The following GPR158 variants were observed in gnomAD, a reference collection of about 807,000 sequenced individuals.
The protein encoded by GPR158 is G protein-coupled receptor 158.
Under a neutral mutation model 78.2 loss-of-function variants are expected in GPR158, and 30 were observed. The observed-to-expected ratio is 0.38, with a 90% CI of 0.29 to 0.52. The LOEUF (loss-of-function observed/expected upper bound fraction) is 0.52. GPR158 is among the 20% of genes least tolerant of loss of function. The probability of loss-of-function intolerance (pLI) is 0.83; values close to 1 mark genes in which losing one functional copy is unlikely to be tolerated. For synonymous variants in GPR158, 581 were observed against 591.1 expected, an observed-to-expected ratio of 0.98 and a Z score of 0.25; for missense variants, 1,463 against 1,523.5, an observed-to-expected ratio of 0.96 and a Z score of 0.66.
chr10:25,541,274 G>T (rs1301496582), intron 5 of GPR158, among the ~76,000 whole-genome samples: 1 of 151,872 alleles, frequency 6.6e-6, no homozygotes, highest in Admixed American at 6.6e-5. Context: ...TTGCTTATTT[G>T]TTCTTATGGA....
intron 4 of GPR158, among the ~76,000 whole-genome samples, chr10:25,460,605 A>C (rs150849897): frequency 6.6e-6 from 1 of 152,234 alleles, no homozygotes; most frequent in Admixed American, 6.5e-5. Context: ...AGATATTAAC[A>C]TATTTCCAGA....
intron 1 of GPR158, among the ~76,000 whole-genome samples, chr10:25,192,074 A>G (rs951873348): frequency 3.3e-5 from 5 of 152,074 alleles, no homozygotes; most frequent in Admixed American, 2.6e-4. Flanking sequence ...TTGAATTGTA[A>G]TCTCCATAAT....
In GPR158 at chr10:25,365,609, G is replaced by C. The variant is rs895559281; in HGVS notation, c.1009-30302G>C. ...CATTACATAGATCCTATATCTATCA[G>C]GAAGAATGGAGTAGACAAAATATTC... On this transcript the variant is annotated intron_variant, in intron 2 of 10. Transcript: ENST00000376351. 3.3e-5 allele frequency among the ~76,000 whole-genome samples: 5 copies of C among 151,568 alleles called. No individual in the cohort carries two copies. The Admixed American group carries it at 3.3e-4, about 10-fold the overall frequency.
chr10:25,389,378 T>A (rs1297877176), intron 2 of GPR158, among the ~76,000 whole-genome samples: 1 of 152,044 alleles, frequency 6.6e-6, no homozygotes, highest in Non-Finnish European at 1.5e-5. Flanking sequence ...CAGAAAGAAA[T>A]TAACCTCTCT....
chr10:25,217,574 G>C (rs957254015), intron 1 of GPR158, among the ~76,000 whole-genome samples: 2 of 152,176 alleles, frequency 1.3e-5, no homozygotes, highest in African/African-American at 4.8e-5. Context: ...TATTAAATTT[G>C]TTTAACCCGT....
At chr10:25,345,805 A>G (rs1855364069) in intron 2 of GPR158, among the ~76,000 whole-genome samples, 1 of 151,954 alleles carries the variant, frequency 6.6e-6, no homozygotes, top group Non-Finnish European at 1.5e-5. Context: ...AATAACTGAT[A>G]TAACTGATCC....
intron 4 of GPR158, among the ~76,000 whole-genome samples, chr10:25,443,277 G>T (rs990477257): frequency 6.6e-6 from 1 of 152,080 alleles, no homozygotes; most frequent in Non-Finnish European, 1.5e-5. Context: ...TTGTGAGGCT[G>T]GTTGTAGTGG....
intron 4 of GPR158, among the ~76,000 whole-genome samples, chr10:25,437,262 C>G (rs7097708): frequency 0.7 from 106,121 of 151,716 alleles, 38,108 homozygotes; most frequent in Non-Finnish European, 0.8. Flanking sequence ...GTCTTGCTCT[C>G]TTGCCCAGGC....
At chr10:25,531,613 G>A (rs898385044) in intron 5 of GPR158, among the ~76,000 whole-genome samples, 13 of 134,604 alleles carry the variant, frequency 9.7e-5, no homozygotes, top group South Asian at 2.4e-4. Flanking sequence ...TGGCTCCCTC[G>A]TCATAGGATT....
intron 5 of GPR158, among the ~76,000 whole-genome samples, chr10:25,522,478 A>G (rs1328591738): frequency 6.6e-6 from 1 of 152,200 alleles, no homozygotes; most frequent in African/African-American, 2.4e-5. Flanking sequence ...ACTTCCATCA[A>G]ATTCTCTTTG....
intron 2 of GPR158, among the ~76,000 whole-genome samples, chr10:25,323,528 AT>A (rs3054021): frequency 1.8e-3 from 252 of 143,776 alleles, no homozygotes; most frequent in Admixed American, 3.1e-3. Context: ...TCTTAGGTAG[AT>A]TTTTTTTTTT....
intron 2 of GPR158, among the ~76,000 whole-genome samples, chr10:25,226,316 C>G (rs1422093221): frequency 6.6e-6 from 1 of 152,192 alleles, no homozygotes; most frequent in Non-Finnish European, 1.5e-5. Context: ...GTGGACTGCT[C>G]TGCCGTAGGA....
intron 2 of GPR158, among the ~76,000 whole-genome samples, chr10:25,255,050 C>G (rs557082997): frequency 6.6e-6 from 1 of 152,220 alleles, no homozygotes; most frequent in East Asian, 1.9e-4. Context: ...CCCTGCTATT[C>G]CTGGATGCTA....
At chr10:25,466,024 C>A (rs1424906487) in intron 4 of GPR158, among the ~76,000 whole-genome samples, 1 of 152,120 alleles carries the variant, frequency 6.6e-6, no homozygotes. Flanking sequence ...GTTTTTAACC[C>A]ATCAGGCCCA....
At chr10:25,413,222 T>A (rs1459451049) in intron 4 of GPR158, among the ~76,000 whole-genome samples, 1 of 152,112 alleles carries the variant, frequency 6.6e-6, no homozygotes. Flanking sequence ...GTCCCAACTA[T>A]TTAGGAGGCT....
intron 2 of GPR158, among the ~76,000 whole-genome samples, chr10:25,280,248 A>G (rs937703307): frequency 6.6e-6 from 1 of 152,224 alleles, no homozygotes; most frequent in Non-Finnish European, 1.5e-5. Context: ...AAGCATAAGG[A>G]CATAGACAGT....
intron 2 of GPR158, among the ~76,000 whole-genome samples, chr10:25,391,613 C>A (rs1319585584): frequency 6.6e-6 from 1 of 152,174 alleles, no homozygotes; most frequent in Non-Finnish European, 1.5e-5. Flanking sequence ...ATGCCTGTAA[C>A]CCCATTGTAT....
At chr10:25,249,482 T>C (rs1305570864) in intron 2 of GPR158, among the ~76,000 whole-genome samples, 1 of 151,846 alleles carries the variant, frequency 6.6e-6, no homozygotes, top group Non-Finnish European at 1.5e-5. Flanking sequence ...TTGAAATACG[T>C]CCCATCAATA....
At chr10:25,312,055 A>C (rs1854772233) in intron 2 of GPR158, among the ~76,000 whole-genome samples, 1 of 152,040 alleles carries the variant, frequency 6.6e-6, no homozygotes, top group African/African-American at 2.4e-5. Context: ...CCTTATACAA[A>C]TTTGTAGTTG....
Sources: allele counts gnomAD v4.1 joint callset (sites outside exome capture counted in the v4.1 genomes callset), GRCh38; gene constraint gnomAD v4.1.1; transcripts MANE v1.5; gene names NCBI Gene and HGNC (gene_info 2026-07-23, HGNC 2026-07-21).